Variants in AEBP2 observed in about 807,000 individuals in gnomAD.
The protein encoded by AEBP2 is AE binding protein 2, also known as zinc finger protein AEBP2.
Under a neutral mutation model 50.8 loss-of-function variants are expected in AEBP2, and 10 were observed. The observed-to-expected ratio is 0.20, with a 90% confidence interval of 0.12 to 0.33. AEBP2 has a LOEUF of 0.33. Among genes scored for constraint, AEBP2 ranks in the 10% least tolerant of loss-of-function variants. The probability of loss-of-function intolerance (pLI) is 1.00; values close to 1 mark genes in which losing one functional copy is unlikely to be tolerated. For synonymous variants in AEBP2, 296 were observed against 261.3 expected (o/e 1.13, Z -1.28); for missense variants, 570 against 688.0 (o/e 0.83, Z 1.92).
chr12:19,456,866 A>G, intron 1 of AEBP2: 1 of 1,512,148 alleles, frequency 6.6e-7, no homozygotes, highest in Non-Finnish European at 9.2e-7. Flanking sequence ...CAATACCACC[A>G]ATTTTTGTAG....
At position 19,422,934 on chromosome 12, in the gene AEBP2, G is replaced by A. The variant is rs374754542; in HGVS notation, c.-17+18718G>A. Among the ~76,000 whole-genome samples the A allele has an allele frequency of 3.3e-5, 5 of 150,932 alleles. No homozygotes were observed. The East Asian group carries it at 9.9e-4, about 30-fold the overall frequency. ...CAAAATATTAGCTGGGCATGGTGGT[G>A]CATGCCTGTAATCCCAGCTACTCAG... On this transcript the variant is annotated intron_variant, in intron 1 of 3. Transcript: ENST00000538425.
At chr12:19,440,808 G>A in intron 1 of AEBP2, 1 of 1,508,056 alleles carries the variant, frequency 6.6e-7, no homozygotes, top group Non-Finnish European at 8.9e-7. Flanking sequence ...GGTCTCGCCT[G>A]GATTTAACAG....
chr12:19,452,927 A>G (rs1452213509), intron 1 of AEBP2, among the ~76,000 whole-genome samples: 1 of 150,462 alleles, frequency 6.6e-6, no homozygotes, highest in African/African-American at 2.4e-5. Flanking sequence ...AGTTTGATAA[A>G]TAGGCCTGTG....
chr12:19,516,758 G>A (rs991981335), intron 7 of AEBP2, among the ~76,000 whole-genome samples: 1 of 152,168 alleles, frequency 6.6e-6, no homozygotes, highest in African/African-American at 2.4e-5. Context: ...CCGGTGAGGT[G>A]GTTCACGCCC....
At chr12:19,482,908 C>A (rs1948751473) in intron 3 of AEBP2, among the ~76,000 whole-genome samples, 1 of 152,048 alleles carries the variant, frequency 6.6e-6, no homozygotes, top group Admixed American at 6.6e-5. Flanking sequence ...TCATTCAGCT[C>A]CCATGCAGTG....
Position 19,440,027 on chromosome 12 carries a change from A to G in AEBP2, c.328A>G (p.Ser110Gly). 1 of 1,524,374 alleles carries G rather than the reference A, an allele frequency of 6.6e-7. No homozygotes were observed. The highest frequency in any genetic ancestry group is 8.8e-7 in the Non-Finnish European group (1 of 1,141,860). 94.4% of individuals were successfully genotyped at this position (1,524,374 alleles called of 1,614,324 possible). ...EEDDEEEEDE[S>G]SSSGGGEEES... ...GGACGACGAGGAGGAGGAAGATGAGAGCAGCAGCAGCGGCGGGGGTGAGGA... is the reference window on the plus strand; with the variant it reads ...GGACGACGAGGAGGAGGAAGATGAGGGCAGCAGCAGCGGCGGGGGTGAGGA... The change falls in exon 1 of 8, where the codon AGC becomes GGC. Residue 110 changes from serine (S) to glycine (G), a missense_variant. By Grantham distance (56) the Ser-to-Gly change is moderately conservative. Transcript: ENST00000266508.
intron 1 of AEBP2, among the ~76,000 whole-genome samples, chr12:19,453,660 G>A (rs1948207615): frequency 6.6e-6 from 1 of 152,026 alleles, no homozygotes; most frequent in South Asian, 2.1e-4. Flanking sequence ...CCAACCTCAG[G>A]TGATCCACCC....
At chr12:19,433,565 A>C (rs182338611) in intron 1 of AEBP2, among the ~76,000 whole-genome samples, 1 of 152,054 alleles carries the variant, frequency 6.6e-6, no homozygotes, top group Non-Finnish European at 1.5e-5. Flanking sequence ...GGATCACATT[A>C]GGTCAGGAGT....
intron 3 of AEBP2, among the ~76,000 whole-genome samples, chr12:19,492,601 A>T (rs959253991): frequency 5.3e-5 from 8 of 151,942 alleles, no homozygotes; most frequent in South Asian, 2.1e-4. Flanking sequence ...TAAAATAAAA[A>T]AAATTTATTT....
At chr12:19,506,948 T>C (rs950522932) in intron 5 of AEBP2, among the ~76,000 whole-genome samples, 31 of 151,840 alleles carry the variant, frequency 2.0e-4, no homozygotes, top group East Asian at 1.8e-3. Flanking sequence ...GGCAAGCAGA[T>C]TGGGGAGAGG....
chr12:19,480,508 C>T lies in AEBP2; in HGVS notation c.987+7153C>T, dbSNP rs192439129. The stretch of plus-strand genomic sequence containing the variant: ...CTTGGTAGTGACAAATTCTCTTAGC[C>T]TTTGTCTGAAAAAGACTTGATCTCT... On this transcript the variant is annotated intron_variant, in intron 3 of 7. Coordinates refer to ENST00000266508, the MANE Select transcript of AEBP2 (RefSeq NM_153207.5). 1.6e-4 allele frequency among the ~76,000 whole-genome samples: 24 copies of T among 152,260 alleles called. No homozygotes were observed. The East Asian group carries it at 4.4e-3, about 28-fold the overall frequency.
At chr12:19,448,721 TCAG>T (rs1057377400) in intron 1 of AEBP2, among the ~76,000 whole-genome samples, 8 of 152,160 alleles carry the variant, frequency 5.3e-5, no homozygotes, top group South Asian at 2.1e-4. Context: ...GCTCTGTCAC[TCAG>T]GCTGGAGTGC....
chr12:19,490,358 C>T (rs369334242), intron 3 of AEBP2, among the ~76,000 whole-genome samples: 44 of 152,240 alleles, frequency 2.9e-4, no homozygotes, highest in African/African-American at 1.1e-3. Context: ...TAAACACTCT[C>T]AATTCAAGTA....
intron 4 of AEBP2, among the ~76,000 whole-genome samples, chr12:19,499,212 A>G (rs1331455951): frequency 2.6e-5 from 4 of 152,216 alleles, no homozygotes; most frequent in African/African-American, 9.6e-5. Flanking sequence ...TAACTGGTGG[A>G]GCTGATTGGC....
chr12:19,500,185 T>C lies in AEBP2; in HGVS notation c.1263T>C (p.Ser421=), dbSNP rs1016152413. 1 of 1,588,676 alleles carries C rather than the reference T, an allele frequency of 6.3e-7. No homozygotes were observed. Among genetic ancestry groups the C allele is most frequent in the African/African-American group, 1.3e-5 (1 of 74,388 alleles). The part of the protein sequence containing the change: ...ICFNLSAHIE[S]LGKGHSVVFH... ...TTAACCTCTCAGCTCATATAGAAAG[T>C]TTAGGGAAGGGACACAGTGTTGTTT... The change falls in exon 5 of 8, where the codon AGT becomes AGC. Residue 421 remains serine, a synonymous_variant. Coordinates refer to ENST00000266508, the MANE Select transcript of AEBP2 (RefSeq NM_153207.5).
intron 3 of AEBP2, among the ~76,000 whole-genome samples, chr12:19,491,600 T>C (rs1021186111): frequency 2.0e-5 from 3 of 152,078 alleles, no homozygotes; most frequent in African/African-American, 7.2e-5. Flanking sequence ...GTGTGCACCA[T>C]AGAGTAAGTA....
At chr12:19,483,406 CTT>C (rs1242276398) in intron 3 of AEBP2, among the ~76,000 whole-genome samples, 1 of 152,154 alleles carries the variant, frequency 6.6e-6, no homozygotes, top group Admixed American at 6.5e-5. Context: ...TTTTCTCTCT[CTT>C]ACACTTTGGG....
intron 1 of AEBP2, among the ~76,000 whole-genome samples, chr12:19,418,274 G>C (rs2095743705): frequency 1.3e-5 from 2 of 151,708 alleles, no homozygotes; most frequent in South Asian, 4.2e-4. Flanking sequence ...GCCCAGGCTA[G>C]AGTGCAGTGG....
intron 1 of AEBP2, among the ~76,000 whole-genome samples, chr12:19,415,243 G>A (rs1317944245): frequency 1.4e-5 from 2 of 142,156 alleles, no homozygotes; most frequent in African/African-American, 5.2e-5. Context: ...GAGCTGGAAG[G>A]CAGAGGTTGC....
Sources: gnomAD v4.1 joint callset for allele counts (sites outside exome capture counted in the v4.1 genomes callset) on GRCh38, gnomAD v4.1.1 for gene constraint, MANE v1.5 for transcripts, NCBI Gene and HGNC (gene_info 2026-07-23, HGNC 2026-07-21) for gene names.